Variants in ULK2 observed in about 807,000 individuals in gnomAD.
ULK2 encodes the protein unc-51 like autophagy activating kinase 2.
In ULK2, 76 loss-of-function variants were observed where a neutral mutation model predicts 127.5. That is an observed-to-expected ratio of 0.60 (90% CI 0.50 to 0.72). The LOEUF is 0.72. Among genes scored for constraint, ULK2 ranks in the 30% least tolerant of loss-of-function variants. ULK2 has a pLI of 0.00. For missense variants in ULK2, 1,144 were observed against 1,295.9 expected (o/e 0.88, Z 1.80); for synonymous variants, 452 against 461.9 (o/e 0.98, Z 0.28).
intron 21 of ULK2, 197 bp from the exon 22 acceptor site, chr17:19,784,102 T>A: frequency 2.4e-6 from 1 of 416,948 alleles, no homozygotes; most frequent in Middle Eastern, 6.3e-4. Context: ...CTTGTCTATA[T>A]ATTTTATATT....
intron 12 of ULK2, among the ~76,000 whole-genome samples, chr17:19,817,454 T>C (rs1051975688): frequency 2.6e-5 from 4 of 152,236 alleles, no homozygotes; most frequent in African/African-American, 7.2e-5. Flanking sequence ...AATGTATTTA[T>C]AGATTTGGAA....
chr17:19,798,963 C>A (rs1044901719), intron 17 of ULK2, among the ~76,000 whole-genome samples: 2 of 151,584 alleles, frequency 1.3e-5, no homozygotes, highest in Non-Finnish European at 2.9e-5. Flanking sequence ...GAGTTCGAGA[C>A]TAGCCTGGCC....
intron 12 of ULK2, among the ~76,000 whole-genome samples, chr17:19,817,537 A>G (rs1482326377): frequency 6.6e-6 from 1 of 152,186 alleles, no homozygotes; most frequent in Non-Finnish European, 1.5e-5. Context: ...TTAGTAGGAG[A>G]TAGGATAGGA....
At chr17:19,821,761 G>A (rs1365453517) in intron 12 of ULK2, among the ~76,000 whole-genome samples, 2 of 151,826 alleles carry the variant, frequency 1.3e-5, no homozygotes, top group Non-Finnish European at 2.9e-5. Flanking sequence ...GTTGGTTTTT[G>A]AGACAGGGTC....
Position 19,867,418 on chromosome 17 carries a change from GGCCGC to G in ULK2, c.-6_-2del. 6.3e-7 allele frequency: 1 copy of G among 1,590,752 alleles called. No homozygotes were observed. On this transcript the variant is annotated 5_prime_UTR_variant, in exon 1 of 27. Coordinates refer to ENST00000395544, the MANE Select transcript of ULK2 (RefSeq NM_014683.4). Reference sequence around the variant, plus strand: ...ACTCGAAGTCACCCACCACCTCCATGGCCGCGCCCCCGGGGCACACAGCGGACGGG... The same window carrying G: ...ACTCGAAGTCACCCACCACCTCCATGGCCCCCGGGGCACACAGCGGACGGG...
chr17:19,857,026 C>T (rs940185382), intron 3 of ULK2, among the ~76,000 whole-genome samples: 1 of 147,400 alleles, frequency 6.8e-6, no homozygotes, highest in Non-Finnish European at 1.5e-5. Context: ...TTTTTTATAG[C>T]CAGGCACGGT....
intron 13 of ULK2, among the ~76,000 whole-genome samples, chr17:19,815,195 A>AC (rs1479750391): frequency 6.6e-6 from 1 of 152,094 alleles, no homozygotes; most frequent in African/African-American, 2.4e-5. Flanking sequence ...GGAAGAATAT[A>AC]CCCCTAGCAA....
intron 14 of ULK2, 37 bp downstream of exon 14, chr17:19,810,341 A>G (rs2087610487): frequency 3.6e-6 from 5 of 1,385,254 alleles, no homozygotes; most frequent in Non-Finnish European, 5.0e-6. Context: ...AATAAAATAT[A>G]AAACAAATTT....
At chr17:19,825,843 G>A (rs1425284941) in intron 11 of ULK2, among the ~76,000 whole-genome samples, 13 of 148,630 alleles carry the variant, frequency 8.7e-5, no homozygotes, top group Admixed American at 2.0e-4. Flanking sequence ...AAAATTAGCC[G>A]GGCATGGTGG....
At chr17:19,801,319 A>T (rs1419334332) in intron 16 of ULK2, among the ~76,000 whole-genome samples, 1 of 152,156 alleles carries the variant, frequency 6.6e-6, no homozygotes, top group East Asian at 1.9e-4. Context: ...CACACCTATA[A>T]TCCCAGCACT....
intron 7 of ULK2, among the ~76,000 whole-genome samples, chr17:19,844,814 A>G (rs2041841376): frequency 6.6e-6 from 1 of 152,144 alleles, no homozygotes; most frequent in Non-Finnish European, 1.5e-5. Flanking sequence ...GCCTAACCCT[A>G]TAATACATGA....
chr17:19,827,163 A>G (rs1276501041), intron 10 of ULK2, among the ~76,000 whole-genome samples: 1 of 152,142 alleles, frequency 6.6e-6, no homozygotes, highest in African/African-American at 2.4e-5. Context: ...AGGTATTCAG[A>G]CCATTTCATC....
chr17:19,780,463 A>T lies in ULK2; in HGVS notation c.2916+9T>A. 2 of 1,604,496 alleles carry T rather than the reference A, an allele frequency of 1.2e-6. No homozygotes were observed. The highest frequency in any genetic ancestry group is 2.7e-5 in the African/African-American group (2 of 74,472). ...GTACTATACAATATTAAACCTTAGA[A>T]AGGGTTACCATTTCTACAGCACAAT... On this transcript the variant is annotated intron_variant, in intron 25 of 26. Coordinates refer to ENST00000395544, the MANE Select transcript of ULK2 (RefSeq NM_014683.4).
intron 3 of ULK2, among the ~76,000 whole-genome samples, chr17:19,858,730 G>A (rs182231880): frequency 1.4e-4 from 21 of 152,306 alleles, no homozygotes; most frequent in African/African-American, 4.6e-4. Context: ...AGAACTTTGG[G>A]AGGCCGAAGC....
chr17:19,833,327 T>C lies in ULK2; in HGVS notation c.787+5174A>G, dbSNP rs527894333. ...GAAACTGTCGTGAGGGGGCCAAATG[T>C]TGAACTTAACAAAGACTTTAAAGCA... On this transcript the variant is annotated intron_variant, in intron 10 of 26. Coordinates refer to ENST00000395544, the MANE Select transcript of ULK2 (RefSeq NM_014683.4). Among the ~76,000 whole-genome samples, 78 of 151,718 alleles carry C rather than the reference T, an allele frequency of 5.1e-4. 1 individual carries two copies. Among genetic ancestry groups the C allele is most frequent in the African/African-American group, 1.8e-3 (75 of 41,388 alleles).
intron 24 of ULK2, among the ~76,000 whole-genome samples, 167 bp downstream of exon 24, chr17:19,780,819 T>C (rs1400385232): frequency 6.6e-6 from 1 of 152,210 alleles, no homozygotes; most frequent in Non-Finnish European, 1.5e-5. Context: ...CACTTCAGAC[T>C]TCTATCAATT....
At chr17:19,823,734 C>A (rs1490030638) in intron 12 of ULK2, among the ~76,000 whole-genome samples, 1 of 152,182 alleles carries the variant, frequency 6.6e-6, no homozygotes, top group Admixed American at 6.5e-5. Flanking sequence ...AGTGGGCAAG[C>A]AGCAGGGCTA....
chr17:19,781,005 T>C lies in ULK2; in HGVS notation c.2739A>G (p.Pro913=), dbSNP rs762210732. ...KAQIKSGKLS[P]STAVKQVVKN... Reference sequence around the variant, plus strand: ...CCATACCTTGTTTCACAGCTGTGGATGGGCTCAGTTTCCCGGACTTGATCT... The same window carrying C: ...CCATACCTTGTTTCACAGCTGTGGACGGGCTCAGTTTCCCGGACTTGATCT... The change falls in exon 24 of 27, where the codon CCA becomes CCG. Residue 913 remains proline, a synonymous_variant. Coordinates refer to ENST00000395544, the MANE Select transcript of ULK2 (RefSeq NM_014683.4). 1 of 1,614,074 alleles carries C rather than the reference T, an allele frequency of 6.2e-7. No homozygotes were observed. The highest frequency in any genetic ancestry group is 1.1e-5 in the South Asian group (1 of 91,070).
rs569990121 is a variant in ULK2, at chr17:19,799,485, A to T, written c.1522+10T>A. The T allele has an allele frequency of 2.6e-6, 4 of 1,545,022 alleles. No homozygotes were observed. The African/African-American group carries it at 5.6e-5, about 22-fold the overall frequency. Reference sequence around the variant, plus strand: ...TTCAAATTATTAATAAACCAAATACATTATCCTACCTGAGGAGTTTCTACT... The same window carrying T: ...TTCAAATTATTAATAAACCAAATACTTTATCCTACCTGAGGAGTTTCTACT... On this transcript the variant is annotated intron_variant, in intron 17 of 26. Coordinates refer to ENST00000395544, the MANE Select transcript of ULK2 (RefSeq NM_014683.4).
Sources: gnomAD v4.1 joint callset for allele counts (sites outside exome capture counted in the v4.1 genomes callset) on GRCh38, gnomAD v4.1.1 for gene constraint, MANE v1.5 for transcripts, NCBI Gene and HGNC (gene_info 2026-07-23, HGNC 2026-07-21) for gene names.